Variants in TSR3 observed in about 807,000 individuals in gnomAD.
TSR3 encodes the protein 18S rRNA aminocarboxypropyltransferase.
Under a neutral mutation model 28.1 loss-of-function variants are expected in TSR3, and 31 were observed. The ratio of observed to expected loss-of-function variants is 1.10; its 90% confidence interval spans 0.83 to 1.49. The LOEUF (loss-of-function observed/expected upper bound fraction) is 1.49, where lower values mean the gene tolerates loss of function less well. Ranked by LOEUF, TSR3 falls within the 40% of genes most tolerant of loss-of-function variation. The probability of loss-of-function intolerance (pLI) is 0.00; values close to 1 mark genes in which losing one functional copy is unlikely to be tolerated. For synonymous variants in TSR3, 219 were observed against 197.2 expected (o/e 1.11, Z -0.93); for missense variants, 511 against 444.0 (o/e 1.15, Z -1.36).
chr16:1,350,768 G>A (rs976655759), intron 3 of TSR3, 39 bp downstream of exon 3: 5 of 1,591,406 alleles, frequency 3.1e-6, no homozygotes, highest in Admixed American at 1.7e-5. Flanking sequence ...AGGAACAGCA[G>A]GCCGCCGGGT....
chr16:1,350,638 G>A (rs2034645781), intron 3 of TSR3, among the ~76,000 whole-genome samples, 169 bp downstream of exon 3: 1 of 152,142 alleles, frequency 6.6e-6, no homozygotes, highest in African/African-American at 2.4e-5. Context: ...AACTCCACAG[G>A]CCGAAAACCT....
In TSR3 at chr16:1,351,439, T is replaced by G; in HGVS notation, c.272A>C (p.His91Pro). The change falls in exon 2 of 6, where the codon CAC becomes CCC. Residue 91 changes from histidine (H) to proline (P), a missense_variant. Transcript: ENST00000007390. ...GCTCAGCACCAGACCGCCGAATCTG[T>G]GGCCCAGGCGCAGGCAGCGCACCAG... ...LGLVRCLRLG[H>P]RFGGLVLSPV... 6.3e-7 allele frequency: 1 copy of G among 1,595,180 alleles called. No individual in the cohort carries two copies. Among genetic ancestry groups the G allele is most frequent in the Middle Eastern group, 1.7e-4 (1 of 6,012 alleles).
chr16:1,350,258 C>T (rs781167188), intron 3 of TSR3, 24 bp from the exon 4 acceptor site: 2 of 1,567,794 alleles, frequency 1.3e-6, no homozygotes, highest in East Asian at 4.5e-5. Flanking sequence ...AAACAGGAAA[C>T]CCAAAGAAGT....
rs764102495 is a variant in TSR3, at chr16:1,349,353, C to T, written c.*84G>A. The T allele has an allele frequency of 7.3e-6, 11 of 1,499,666 alleles. No homozygotes were observed. The African/African-American group carries it at 1.2e-4, about 17-fold the overall frequency. The allele number at this position is 1,499,666 out of a possible 1,614,324, so 92.9% of individuals were successfully genotyped here. A position where few individuals can be genotyped will look rare whatever the true frequency, so the allele number is the denominator to read the frequency against. On this transcript the variant is annotated 3_prime_UTR_variant, in exon 6 of 6. Transcript: ENST00000007390. ...CAGTCCTGCCAGCAGCCGCAAAGAG[C>T]CGAGGCTGCCAGGCCCATTTATGTC...
Position 1,351,529 on chromosome 16 carries a change from G to A in TSR3, c.182C>T (p.Ala61Val), listed in dbSNP as rs1228720068. 3.9e-6 allele frequency: 6 copies of A among 1,521,194 alleles called. No individual in the cohort carries two copies. The highest frequency in any genetic ancestry group is 5.3e-6 in the Non-Finnish European group (6 of 1,141,478). The allele number at this position is 1,521,194 out of a possible 1,614,324, so 94.2% of individuals were successfully genotyped here. A position where few individuals can be genotyped will look rare whatever the true frequency, so the allele number is the denominator to read the frequency against. ...PGPAALPCTLAMWELGHCDPR... is the reference protein window; with the variant it reads ...PGPAALPCTLVMWELGHCDPR... Reference sequence around the variant, plus strand: ...GTCGCAGTGGCCCAACTCCCACATGGCCAGCGTGCAGGGCAGCGCCGCCGG... The same window carrying A: ...GTCGCAGTGGCCCAACTCCCACATGACCAGCGTGCAGGGCAGCGCCGCCGG... The change falls in exon 2 of 6, where the codon GCC becomes GTC. Residue 61 changes from alanine (A) to valine (V), a missense_variant. Physicochemically the swap from Ala to Val is moderately conservative, Grantham distance 64 (BLOSUM62 0). Transcript: ENST00000007390.
In TSR3 at chr16:1,349,895, C is replaced by T; in HGVS notation, c.761G>A (p.Ser254Asn). 1 of 1,613,768 alleles carries T rather than the reference C, an allele frequency of 6.2e-7. No homozygotes were observed. Among genetic ancestry groups the T allele is most frequent in the Non-Finnish European group, 8.5e-7 (1 of 1,180,000 alleles). Reference sequence around the variant, plus strand: ...ATTAAGCCCAAGGACCTACCGGGTGCTGGCCACAGGCCTGTTGGGGTTTCC... The same window carrying T: ...ATTAAGCCCAAGGACCTACCGGGTGTTGGCCACAGGCCTGTTGGGGTTTCC... ...EFGNPNRPVA[S>N]TRLPSDTDDS... Residue 254 changes from serine to asparagine, a missense_variant, in exon 5 of 6, where the codon AGC becomes AAC. Coordinates refer to ENST00000007390, the MANE Select transcript of TSR3 (RefSeq NM_001001410.3).
At chr16:1,350,731 C>T in intron 3 of TSR3, 76 bp downstream of exon 3, 1 of 1,513,972 alleles carries the variant, frequency 6.6e-7, no homozygotes, top group Non-Finnish European at 9.0e-7. Context: ...GGTCTGTCGG[C>T]AGGAAACATG....
In TSR3 at chr16:1,349,339, G is replaced by T; in HGVS notation, c.*98C>A. 1 of 1,377,576 alleles carries T rather than the reference G, an allele frequency of 7.3e-7. No individual in the cohort carries two copies. The highest frequency in any genetic ancestry group is 1.0e-6 in the Non-Finnish European group (1 of 966,526). 85.3% of individuals were successfully genotyped at this position (1,377,576 alleles called of 1,614,324 possible). On this transcript the variant is annotated 3_prime_UTR_variant, in exon 6 of 6. Coordinates refer to ENST00000007390, the MANE Select transcript of TSR3 (RefSeq NM_001001410.3). ...GAACCCGGACAGCTCAGTCCTGCCAGCAGCCGCAAAGAGCCGAGGCTGCCA... is the reference window on the plus strand; with the variant it reads ...GAACCCGGACAGCTCAGTCCTGCCATCAGCCGCAAAGAGCCGAGGCTGCCA...
rs1433175720 is a variant in TSR3 at position 1,351,628 on chromosome 16, T to G, written c.113-30A>C. ...ACGAGAGAGAGAAGGGCACTCGGCC[T>G]CAGCGTGGGACCCCCGGGCAGGCCC... On this transcript the variant is annotated intron_variant, in intron 1 of 5. Coordinates refer to ENST00000007390, the MANE Select transcript of TSR3 (RefSeq NM_001001410.3). 6 of 1,448,972 alleles carry G rather than the reference T, an allele frequency of 4.1e-6. No homozygotes were observed. The South Asian group carries it at 8.2e-5, about 20-fold the overall frequency. 89.8% of individuals were successfully genotyped at this position (1,448,972 alleles called of 1,614,324 possible).
intron 5 of TSR3, 110 bp from the exon 6 acceptor site, chr16:1,349,718 T>G (rs2034614980): frequency 7.1e-7 from 1 of 1,411,408 alleles, no homozygotes; most frequent in Non-Finnish European, 9.6e-7. Context: ...TTCCTCCCTG[T>G]GCTCTCCACA....
chr16:1,350,251 C>G lies in TSR3; in HGVS notation c.527-17G>C, dbSNP rs1017661178. 1 of 1,571,358 alleles carries G rather than the reference C, an allele frequency of 6.4e-7. No individual in the cohort carries two copies. The highest frequency in any genetic ancestry group is 1.4e-5 in the African/African-American group (1 of 73,524). ...CTGGAAAGCCTGACGGTGTGAGAAA[C>G]AGGAAACCCAAAGAAGTCGACGGTC... On this transcript the variant is annotated splice_polypyrimidine_tract_variant and intron_variant, in intron 3 of 5. Coordinates refer to ENST00000007390, the MANE Select transcript of TSR3 (RefSeq NM_001001410.3).
chr16:1,351,186 T>C lies in TSR3; in HGVS notation c.333-186A>G, dbSNP rs60937866. Among the ~76,000 whole-genome samples, 14,739 of 152,246 alleles carry C rather than the reference T, an allele frequency of 0.097. 1,549 individuals are homozygous for C. Among genetic ancestry groups the C allele is most frequent in the African/African-American group, 0.27 (11,122 of 41,496 alleles). On this transcript the variant is annotated intron_variant, in intron 2 of 5. Transcript: ENST00000007390. ...GCACCTGGAGCATGTGTTTATTCACTCAACAAACGTTTATTACCCCAAAAC... is the reference window on the plus strand; with the variant it reads ...GCACCTGGAGCATGTGTTTATTCACCCAACAAACGTTTATTACCCCAAAAC...
intron 3 of TSR3, 41 bp from the exon 4 acceptor site, chr16:1,350,275 T>TC: frequency 6.4e-7 from 1 of 1,552,244 alleles, no homozygotes; most frequent in Non-Finnish European, 8.7e-7. Context: ...AAGTCGACGG[T>TC]CCCCTCAAGT....
chr16:1,350,797 C>G lies in TSR3; in HGVS notation c.526+10G>C. ...GCCGGGTCACACTGCTGTGGGGCCC[C>G]TGGACTCACCTACGATGCAGAAGGT... On this transcript the variant is annotated intron_variant, in intron 3 of 5. Coordinates refer to ENST00000007390, the MANE Select transcript of TSR3 (RefSeq NM_001001410.3). The G allele has an allele frequency of 1.2e-6, 2 of 1,610,628 alleles. No homozygotes were observed. The highest frequency in any genetic ancestry group is 1.7e-6 in the Non-Finnish European group (2 of 1,178,188).
chr16:1,350,093 G>A lies in TSR3; in HGVS notation c.668C>T (p.Ala223Val). ...EVLQAEQEFL[A>V]NAKESPQEEE... ...CTCCTGGGGGCTCTCCTTGGCATTG[G>A]CCAAGAACTCCTGCTCCGCCTGCAG... Residue 223 changes from alanine (A) to valine (V), a missense_variant, in exon 4 of 6, where the codon GCC becomes GTC. Coordinates refer to ENST00000007390, the MANE Select transcript of TSR3 (RefSeq NM_001001410.3). 6.2e-7 allele frequency: 1 copy of A among 1,609,924 alleles called. No individual in the cohort carries two copies. Among genetic ancestry groups the A allele is most frequent in the Non-Finnish European group, 8.5e-7 (1 of 1,177,798 alleles).
rs760140489 is a variant in TSR3, at chr16:1,351,765, C to T, written c.40G>A (p.Gly14Ser). ...RRAARGPGAE[G>S]GRPRHLPTRS... ...GTCGGGAGGTGCCGAGGGCGGCCGC[C>T]TTCCGCCCCCGGCCCGCGCGCTGCC... is the stretch of plus-strand genomic sequence containing the variant. Residue 14 changes from glycine (G) to serine (S), a missense_variant, in exon 1 of 6, where the codon GGC becomes AGC. Physicochemically the swap from Gly to Ser is moderately conservative, Grantham distance 56. Coordinates refer to ENST00000007390, the MANE Select transcript of TSR3 (RefSeq NM_001001410.3). The T allele has an allele frequency of 7.2e-5, 97 of 1,351,600 alleles. No homozygotes were observed. The highest frequency in any genetic ancestry group is 8.7e-5 in the Non-Finnish European group (92 of 1,057,142). 83.7% of individuals were successfully genotyped at this position (1,351,600 alleles called of 1,614,324 possible). A position where few individuals can be genotyped will look rare whatever the true frequency, so the allele number is the denominator to read the frequency against.
intron 3 of TSR3, among the ~76,000 whole-genome samples, 199 bp from the exon 4 acceptor site, chr16:1,350,433 G>C (rs1050173574): frequency 6.6e-5 from 10 of 152,066 alleles, no homozygotes; most frequent in African/African-American, 2.4e-4. Context: ...AACCGACCAA[G>C]TCCCCCTCCT....
intron 3 of TSR3, 143 bp downstream of exon 3, chr16:1,350,664 G>T: frequency 2.1e-6 from 2 of 965,874 alleles, no homozygotes; most frequent in Non-Finnish European, 3.1e-6. Context: ...GACAGTTGGG[G>T]CTGGAACCGT....
Position 1,350,795 on chromosome 16 carries a change from C to T in TSR3, c.526+12G>A, listed in dbSNP as rs1432601497. ...CCGCCGGGTCACACTGCTGTGGGGC[C>T]CCTGGACTCACCTACGATGCAGAAG... On this transcript the variant is annotated intron_variant, in intron 3 of 5. Transcript: ENST00000007390. The T allele has an allele frequency of 7.5e-6, 12 of 1,610,374 alleles. No homozygotes were observed. The highest frequency in any genetic ancestry group is 5.5e-5 in the South Asian group (5 of 90,942).
Sources: gnomAD v4.1 joint callset for allele counts (sites outside exome capture counted in the v4.1 genomes callset) on GRCh38, gnomAD v4.1.1 for gene constraint, MANE v1.5 for transcripts, NCBI Gene and HGNC (gene_info 2026-07-23, HGNC 2026-07-21) for gene names.